Variants in SLC25A28 observed in about 807,000 individuals in gnomAD.
The protein encoded by SLC25A28 is solute carrier family 25 member 28.
Under a neutral mutation model 31.9 loss-of-function variants are expected in SLC25A28, and 10 were observed. The observed-to-expected ratio is 0.31, with a 90% CI of 0.19 to 0.53. The LOEUF is 0.53. Ranked by LOEUF, SLC25A28 falls within the 20% of genes least tolerant of loss-of-function variation. The probability of loss-of-function intolerance (pLI) is 0.95; values close to 1 mark genes in which losing one functional copy is unlikely to be tolerated. For synonymous variants in SLC25A28, 208 were observed against 203.6 expected (o/e 1.02, Z -0.19); for missense variants, 256 against 490.3 (o/e 0.52, Z 4.51).
At chr10:99,652,104 T>G in the SLC25A28 span, 1 of 152,234 alleles carries the variant, frequency 6.6e-6, no homozygotes, top group Non-Finnish European at 1.5e-5. Flanking sequence ...TCACTGTCAG[T>G]TTTTACTCAT....
the SLC25A28 span, among the ~76,000 whole-genome samples, chr10:99,644,497 A>C: frequency 6.6e-6 from 1 of 151,936 alleles, no homozygotes; most frequent in Non-Finnish European, 1.5e-5. Flanking sequence ...CAGCACACTG[A>C]CTCCTTATGC....
intron 1 of SLC25A28, among the ~76,000 whole-genome samples, chr10:99,615,200 C>A (rs1230877252): frequency 6.6e-6 from 1 of 151,840 alleles, no homozygotes; most frequent in Non-Finnish European, 1.5e-5. Flanking sequence ...ATTAAAAATA[C>A]AAAAAAATTA....
At chr10:99,619,071 G>A (rs1310881927) in intron 1 of SLC25A28, 1 of 985,220 alleles carries the variant, frequency 1.0e-6, no homozygotes, top group Non-Finnish European at 1.2e-6. Context: ...TAATGTACAA[G>A]AATAAGAACT....
upstream of SLC25A28, among the ~76,000 whole-genome samples, chr10:99,622,198 G>T (rs973540840): frequency 2.0e-5 from 3 of 152,154 alleles, no homozygotes; most frequent in Non-Finnish European, 4.4e-5. Flanking sequence ...AAAATTAGCT[G>T]GGTATGGTGG....
the SLC25A28 span, among the ~76,000 whole-genome samples, chr10:99,630,567 A>G: frequency 6.6e-6 from 1 of 152,200 alleles, no homozygotes; most frequent in Non-Finnish European, 1.5e-5. Context: ...TTGCTATGAT[A>G]TCACCACACT....
At chr10:99,630,984 A>T in the SLC25A28 span, among the ~76,000 whole-genome samples, 4 of 152,154 alleles carry the variant, frequency 2.6e-5, no homozygotes, top group Admixed American at 6.5e-5. Context: ...TAGTGGAAGG[A>T]GTAAGGGAGG....
At chr10:99,641,838 T>G in the SLC25A28 span, among the ~76,000 whole-genome samples, 88 of 152,256 alleles carry the variant, frequency 5.8e-4, no homozygotes, top group Non-Finnish European at 8.5e-4. Context: ...TTTCCCCATT[T>G]CTTGTTTTTG....
At chr10:99,639,830 T>C in the SLC25A28 span, among the ~76,000 whole-genome samples, 4 of 152,024 alleles carry the variant, frequency 2.6e-5, no homozygotes, top group African/African-American at 9.7e-5. Context: ...GTTATTCTCA[T>C]AGCGACAAAG....
chr10:99,622,147 GTC>G (rs2034808052), upstream of SLC25A28, among the ~76,000 whole-genome samples: 2 of 152,050 alleles, frequency 1.3e-5, no homozygotes, highest in Admixed American at 1.3e-4. Context: ...GCAAAACCCC[GTC>G]TCTACAAAAT....
Position 99,611,128 on chromosome 10 carries a change from T to C in SLC25A28, c.816A>G (p.Gly272=). 6.8e-6 allele frequency: 11 copies of C among 1,614,170 alleles called. No homozygotes were observed. Among genetic ancestry groups the C allele is most frequent in the Non-Finnish European group, 9.3e-6 (11 of 1,180,040 alleles). ...SSHVLSGACA[G]AVAAAATTPL... ...GGGTTGTGGCTGCGGCAGCTACAGC[T>C]CCTGCGCAAGCTCCAGAGAGGACGT... The change falls in exon 4 of 4, where the codon GGA becomes GGG. Residue 272 remains glycine, a synonymous_variant. Transcript: ENST00000370495. This position sits in a 1 kb window ranked among gnomAD's most constrained non-coding sequence, Gnocchi z 5.5.
chr10:99,633,753 A>T, the SLC25A28 span, among the ~76,000 whole-genome samples: 1 of 151,356 alleles, frequency 6.6e-6, no homozygotes, highest in Admixed American at 6.6e-5. Flanking sequence ...TAAACTTGGG[A>T]GTTCTAGGGC....
the SLC25A28 span, among the ~76,000 whole-genome samples, chr10:99,633,026 G>C: frequency 6.6e-6 from 1 of 152,178 alleles, no homozygotes; most frequent in African/African-American, 2.4e-5. Flanking sequence ...TATGGAAGTA[G>C]ATGTGATGTA....
chr10:99,615,810 A>G (rs1334064943), intron 1 of SLC25A28: 22 of 985,378 alleles, frequency 2.2e-5, no homozygotes, highest in Non-Finnish European at 2.5e-5. Context: ...TTTATTCAAA[A>G]CTGATCTTGT....
At chr10:99,617,752 A>G in intron 1 of SLC25A28, 1 of 985,446 alleles carries the variant, frequency 1.0e-6, no homozygotes, top group Non-Finnish European at 1.2e-6. Flanking sequence ...ACAACTCCTG[A>G]GCATTTTTTT....
In SLC25A28 at chr10:99,613,925, C is replaced by A; in HGVS notation, c.292-1G>T. 6.3e-7 allele frequency: 1 copy of A among 1,597,170 alleles called. No homozygotes were observed. Among genetic ancestry groups the A allele is most frequent in the South Asian group, 1.1e-5 (1 of 89,528 alleles). ...CAGGCTGTAGACTCTGCATCCGGGT[C>A]TGAAATTACAGCAAGGAGAAGCGCA... On this transcript the variant is annotated splice_acceptor_variant, in intron 1 of 3. Transcript: ENST00000370495. LOFTEE classifies it high-confidence loss of function. The surrounding 1 kb of genome is among the most constrained non-coding windows in gnomAD (Gnocchi z 4.9).
upstream of SLC25A28, among the ~76,000 whole-genome samples, chr10:99,624,762 G>A (rs2034853218): frequency 1.3e-5 from 2 of 152,242 alleles, no homozygotes; most frequent in Admixed American, 1.3e-4. Flanking sequence ...TTGAACCCGG[G>A]ATGCAGAGGT....
At chr10:99,614,535 T>A (rs1414843961) in intron 1 of SLC25A28, among the ~76,000 whole-genome samples, 1 of 152,160 alleles carries the variant, frequency 6.6e-6, no homozygotes, top group Non-Finnish European at 1.5e-5. Flanking sequence ...TAGAAACCAA[T>A]CTAGTCTCCA....
the SLC25A28 span, among the ~76,000 whole-genome samples, chr10:99,638,315 T>TA: frequency 6.6e-6 from 1 of 152,226 alleles, no homozygotes; most frequent in Non-Finnish European, 1.5e-5. Flanking sequence ...GAATTTAATC[T>TA]AAGACCTGAA....
At chr10:99,617,417 A>T in intron 1 of SLC25A28, 2 of 985,452 alleles carry the variant, frequency 2.0e-6, no homozygotes, top group Non-Finnish European at 2.4e-6. Context: ...AGGCAATGTC[A>T]GCTTTCATTT....
Sources: gnomAD v4.1 joint callset for allele counts (sites outside exome capture counted in the v4.1 genomes callset) on GRCh38, gnomAD v4.1.1 for gene constraint, Gnocchi (gnomAD v3.1) non-coding constraint, MANE v1.5 for transcripts, NCBI Gene and HGNC (gene_info 2026-07-23, HGNC 2026-07-21) for gene names.